HOXC4: variants seen among roughly 807,000 people sequenced by gnomAD.
The protein encoded by HOXC4 is homeobox C4, also known as homeobox protein Hox-C4.
A neutral mutation model predicts 25.5 loss-of-function variants in HOXC4; 15 were observed. That is an observed-to-expected ratio of 0.59 (90% CI 0.39 to 0.91). The LOEUF is 0.91. Ranked by LOEUF, HOXC4 falls within the 40% of genes least tolerant of loss-of-function variation. The pLI, the probability that HOXC4 is intolerant of heterozygous loss-of-function variation, is 0.00. For synonymous variants in HOXC4, 165 were observed against 148.0 expected, an observed-to-expected ratio of 1.11 and a Z score of -0.83; for missense variants, 342 against 352.4, an observed-to-expected ratio of 0.97 and a Z score of 0.24.
rs748704957 is a variant in HOXC4, at chr12:54,054,107, A to T, written c.185A>T (p.Tyr62Phe). The change falls in exon 1 of 2, where the codon TAC becomes TTC. Residue 62 changes from tyrosine to phenylalanine, a missense_variant. By Grantham distance (22) the Tyr-to-Phe change is conservative. Coordinates refer to ENST00000430889, the MANE Select transcript of HOXC4 (RefSeq NM_153633.3). Reference protein sequence around the residue: ...LYPPPPPRPSYPERQYSCTSL... With the variant: ...LYPPPPPRPSFPERQYSCTSL... ...CCACCACCGCCTCCGCGCCCTAGCT[A>T]CCCTGAGCGCCAGTATAGCTGCACC... 9.3e-6 allele frequency: 15 copies of T among 1,613,582 alleles called. No homozygotes were observed. Among genetic ancestry groups the T allele is most frequent in the Non-Finnish European group, 1.3e-5 (15 of 1,179,842 alleles).
At chr12:54,031,096 G>A (rs1940968106) in intron 1 of HOXC4, among the ~76,000 whole-genome samples, 1 of 152,236 alleles carries the variant, frequency 6.6e-6, no homozygotes, top group South Asian at 2.1e-4. Context: ...GCTGGGATCA[G>A]TCGGTTTGGG....
intron 1 of HOXC4, chr12:54,028,968 T>A (rs758073273): frequency 6.5e-7 from 1 of 1,532,078 alleles, no homozygotes; most frequent in Non-Finnish European, 8.8e-7. Context: ...CTGAACTGGC[T>A]TTATGACCGG....
At chr12:54,034,465 C>CA (rs1443309412) in intron 1 of HOXC4, 12 of 1,614,026 alleles carry the variant, frequency 7.4e-6, no homozygotes, top group Non-Finnish European at 1.0e-5. Flanking sequence ...AGAAAGATTC[C>CA]AAAATGAAAA....
At chr12:54,051,564 G>T (rs1020222029), upstream of HOXC4, among the ~76,000 whole-genome samples, 4 of 152,216 alleles carry the variant, frequency 2.6e-5, no homozygotes, top group African/African-American at 9.7e-5. Flanking sequence ...GTGGGCAAGG[G>T]TTCTCAGCCA....
chr12:54,035,391 T>C (rs1013388712), intron 1 of HOXC4: 1 of 152,606 alleles, frequency 6.6e-6, no homozygotes, highest in Non-Finnish European at 1.5e-5. Context: ...GTTTGGGGCA[T>C]GTATTGGGTA....
At chr12:54,034,215 G>A (rs1249562296) in intron 1 of HOXC4, 1 of 1,455,870 alleles carries the variant, frequency 6.9e-7, no homozygotes, top group Non-Finnish European at 9.6e-7. Context: ...GGCTGGGGTG[G>A]GGACGGGGGA....
chr12:54,026,509 T>C lies in HOXC4; in HGVS notation c.-124+9095T>C, dbSNP rs545460203. Reference sequence around the variant, plus strand: ...ATCCTCCTCTACCCTTTCCCCTTCATTTCCTTGGGGAGAAGAAAGTGTGAT... The same window carrying C: ...ATCCTCCTCTACCCTTTCCCCTTCACTTCCTTGGGGAGAAGAAAGTGTGAT... On this transcript the variant is annotated intron_variant, in intron 1 of 3. Transcript: ENST00000303406. 5.9e-5 allele frequency among the ~76,000 whole-genome samples: 9 copies of C among 152,356 alleles called. No individual in the cohort carries two copies. In the South Asian group the frequency reaches 1.7e-3, roughly 28 times the overall value.
At chr12:54,023,063 C>A (rs1236604601) in intron 1 of HOXC4, among the ~76,000 whole-genome samples, 2 of 152,170 alleles carry the variant, frequency 1.3e-5, no homozygotes, top group Admixed American at 6.5e-5. Context: ...CCTCAAGTGT[C>A]CCTAGGCATC....
At chr12:54,033,208 C>T (rs200385207) in intron 1 of HOXC4, 2 of 1,614,174 alleles carry the variant, frequency 1.2e-6, no homozygotes, top group African/African-American at 1.3e-5. Flanking sequence ...AACTATGGAT[C>T]GGCCTCAGAG....
intron 1 of HOXC4, chr12:54,033,191 T>A (rs1160729046): frequency 1.2e-6 from 2 of 1,614,140 alleles, no homozygotes; most frequent in East Asian, 4.5e-5. Flanking sequence ...ACATGCAAAC[T>A]TGTGGGAACT....
chr12:54,031,959 C>G (rs968131387), intron 1 of HOXC4, among the ~76,000 whole-genome samples: 1 of 152,196 alleles, frequency 6.6e-6, no homozygotes, highest in Non-Finnish European at 1.5e-5. Context: ...GCCCAGAGAC[C>G]TTTTCCCCAA....
intron 1 of HOXC4, among the ~76,000 whole-genome samples, chr12:54,041,364 G>T (rs893170433): frequency 6.6e-6 from 1 of 152,206 alleles, no homozygotes; most frequent in Admixed American, 6.5e-5. Flanking sequence ...GAATTTTCTG[G>T]TTGGGTTCTC....
At position 54,055,767 on chromosome 12, in the gene HOXC4, G is replaced by C. The variant is rs1044425466; in HGVS notation, c.*562G>C. On this transcript the variant is annotated 3_prime_UTR_variant, in exon 2 of 2. Coordinates refer to ENST00000430889, the MANE Select transcript of HOXC4 (RefSeq NM_153633.3). ...ATTGTTGGGGGGGGGTGTGGGAGGA[G>C]AGGGGGCGAAGACAGCAGACAAAGC... 6.6e-6 allele frequency: 1 copy of C among 152,210 alleles called. No individual in the cohort carries two copies. The highest frequency in any genetic ancestry group is 1.5e-5 in the Non-Finnish European group (1 of 68,010). The allele number at this position is 152,210 out of a possible 1,614,324, so 9.4% of individuals were successfully genotyped here. A position where few individuals can be genotyped will look rare whatever the true frequency, so the allele number is the denominator to read the frequency against.
chr12:54,045,080 C>T (rs1937672176), intron 1 of HOXC4, among the ~76,000 whole-genome samples: 1 of 152,290 alleles, frequency 6.6e-6, no homozygotes, highest in Admixed American at 6.5e-5. Flanking sequence ...AGTCTCTAGT[C>T]CACCCTCATT....
chr12:54,044,777 A>G (rs1475762319), intron 1 of HOXC4, among the ~76,000 whole-genome samples: 1 of 151,220 alleles, frequency 6.6e-6, no homozygotes, highest in Non-Finnish European at 1.5e-5. Flanking sequence ...TCTATGTACC[A>G]AACAAACAAT....
chr12:54,041,186 C>T (rs961839563), intron 1 of HOXC4, among the ~76,000 whole-genome samples: 1 of 152,218 alleles, frequency 6.6e-6, no homozygotes, highest in Non-Finnish European at 1.5e-5. Flanking sequence ...AAGCAATAGG[C>T]GAGAAACTAT....
intron 1 of HOXC4, among the ~76,000 whole-genome samples, chr12:54,039,216 A>G (rs533318384): frequency 2.0e-5 from 3 of 152,286 alleles, no homozygotes; most frequent in African/African-American, 4.8e-5. Flanking sequence ...GAAGGGGAGC[A>G]TGCCTGGGGA....
intron 1 of HOXC4, among the ~76,000 whole-genome samples, chr12:54,035,557 G>A (rs1426555423): frequency 1.3e-5 from 2 of 152,226 alleles, no homozygotes; most frequent in East Asian, 3.8e-4. Flanking sequence ...TCTGGGGGAA[G>A]AGAAGGGCAC....
intron 1 of HOXC4, among the ~76,000 whole-genome samples, chr12:54,025,526 T>G (rs1456298714): frequency 6.6e-5 from 1 of 15,202 alleles, no homozygotes; most frequent in African/African-American, 1.2e-4. Context: ...TGAAAGGTAA[T>G]TGGGGGGGGG....
Sources: gnomAD v4.1 joint callset for allele counts (sites outside exome capture counted in the v4.1 genomes callset) on GRCh38, gnomAD v4.1.1 for gene constraint, MANE v1.5 for transcripts, NCBI Gene and HGNC (gene_info 2026-07-23, HGNC 2026-07-21) for gene names.